Variants in AKAP10 observed in about 807,000 individuals in gnomAD.
AKAP10 encodes A-kinase anchoring protein 10.
Under a neutral mutation model 80.8 loss-of-function variants are expected in AKAP10, and 24 were observed. That is an observed-to-expected ratio of 0.30 (90% CI 0.22 to 0.42). The LOEUF (loss-of-function observed/expected upper bound fraction) is 0.42. AKAP10 is among the 10% of genes least tolerant of loss of function. AKAP10 has a pLI of 1.00. For missense variants in AKAP10, 661 were observed against 794.9 expected (o/e 0.83, Z 2.03); for synonymous variants, 291 against 277.7 (o/e 1.05, Z -0.48).
At chr17:19,946,232 ATATAT>A (rs1416323054) in intron 5 of AKAP10, among the ~76,000 whole-genome samples, 25 of 17,160 alleles carry the variant, frequency 1.5e-3, no homozygotes, top group South Asian at 3.5e-3. Flanking sequence ...TTATATATAT[ATATAT>A]TATATATATA....
intron 1 of AKAP10, among the ~76,000 whole-genome samples, chr17:19,969,511 TAA>T (rs549733602): frequency 8.6e-5 from 13 of 151,652 alleles, no homozygotes; most frequent in South Asian, 8.3e-4. Flanking sequence ...GGATCTGACA[TAA>T]GACTATTTTT....
chr17:19,975,080 G>A (rs960866282), intron 1 of AKAP10, among the ~76,000 whole-genome samples: 2 of 152,082 alleles, frequency 1.3e-5, no homozygotes, highest in Non-Finnish European at 2.9e-5. Context: ...AGGCTGGAGT[G>A]TAGTGACTCA....
At position 19,920,115 on chromosome 17, in the gene AKAP10, C is replaced by T. The variant is rs1292458175; in HGVS notation, c.1755G>A (p.Lys585=). The change falls in exon 12 of 15, where the codon AAG becomes AAA. Residue 585 remains lysine (K), a synonymous_variant. Coordinates refer to ENST00000225737, the MANE Select transcript of AKAP10 (RefSeq NM_007202.4). ...ESLYQRTYAG[K]MTFGRVSDLG... ...AGTCACTGACTCTTCCAAATGTCATCTTCCTAAATAAGAATGAACAGAAGA... is the reference window on the plus strand; with the variant it reads ...AGTCACTGACTCTTCCAAATGTCATTTTCCTAAATAAGAATGAACAGAAGA... 1 of 1,607,844 alleles carries T rather than the reference C, an allele frequency of 6.2e-7. No homozygotes were observed. Among genetic ancestry groups the T allele is most frequent in the Admixed American group, 1.7e-5 (1 of 59,932 alleles).
intron 13 of AKAP10, 144 bp from the exon 14 acceptor site, chr17:19,909,420 T>G: frequency 1.4e-6 from 1 of 693,842 alleles, no homozygotes; most frequent in Non-Finnish European, 2.3e-6. Context: ...CGAAAAAACC[T>G]GGGCCACCCT....
At chr17:19,932,253 C>G (rs2042943415) in intron 9 of AKAP10, among the ~76,000 whole-genome samples, 1 of 151,834 alleles carries the variant, frequency 6.6e-6, no homozygotes, top group South Asian at 2.1e-4. Context: ...GAGTTCAAGA[C>G]CAGCCTGGCC....
At chr17:19,910,325 C>CAAAAAAAAAAAAAAAAAAAA (rs3031068) in intron 12 of AKAP10, among the ~76,000 whole-genome samples, 1 of 90,658 alleles carries the variant, frequency 1.1e-5, no homozygotes, top group African/African-American at 4.1e-5. Context: ...GACTCCAACT[C>CAAAAAAAAAAAAAAAAAAAA]AAAAAAAAAA....
intron 9 of AKAP10, among the ~76,000 whole-genome samples, chr17:19,932,445 T>C (rs1192086045): frequency 7.2e-6 from 1 of 139,054 alleles, no homozygotes; most frequent in South Asian, 2.3e-4. Context: ...GGAGCAAGAC[T>C]GTCTAAAAAA....
intron 4 of AKAP10, among the ~76,000 whole-genome samples, chr17:19,951,070 C>T (rs1220878143): frequency 3.3e-5 from 5 of 151,856 alleles, no homozygotes; most frequent in Non-Finnish European, 7.4e-5. Context: ...CCCCTCCGCC[C>T]GGCAGCCGCC....
intron 1 of AKAP10, among the ~76,000 whole-genome samples, chr17:19,975,499 A>G (rs1219481482): frequency 6.6e-6 from 1 of 152,100 alleles, no homozygotes; most frequent in Non-Finnish European, 1.5e-5. Flanking sequence ...CCTCCTACTG[A>G]TCCTTCAGCT....
intron 4 of AKAP10, among the ~76,000 whole-genome samples, chr17:19,951,164 G>A (rs568138625): frequency 0.013 from 1,060 of 81,540 alleles, 14 homozygotes; most frequent in African/African-American, 0.043. Flanking sequence ...CCGGCCAGCC[G>A]CCCCATCTGG....
chr17:19,928,091 G>T (rs1221278340), intron 10 of AKAP10, among the ~76,000 whole-genome samples: 1 of 151,764 alleles, frequency 6.6e-6, no homozygotes, highest in Non-Finnish European at 1.5e-5. Flanking sequence ...ATGCTGGCAG[G>T]TGCCTGAAAT....
intron 12 of AKAP10, among the ~76,000 whole-genome samples, chr17:19,919,199 A>G (rs111328264): frequency 0.095 from 14,404 of 151,740 alleles, 781 homozygotes; most frequent in Non-Finnish European, 0.12. Flanking sequence ...TCCTTGAGAC[A>G]GTTTGCTCAG....
chr17:19,941,086 A>G (rs1156420823), intron 6 of AKAP10, 76 bp from the exon 7 acceptor site: 8 of 1,471,992 alleles, frequency 5.4e-6, no homozygotes, highest in Admixed American at 4.5e-5. Flanking sequence ...TACTCTTTCC[A>G]TACTGTCCCT....
At chr17:19,921,140 T>C (rs1282904770) in intron 11 of AKAP10, among the ~76,000 whole-genome samples, 2 of 150,986 alleles carry the variant, frequency 1.3e-5, no homozygotes, top group Non-Finnish European at 2.9e-5. Flanking sequence ...TAGCAAACAC[T>C]TAAGACTGGA....
rs71157846 is a variant in AKAP10, at chr17:19,946,275, A to ATTTTT, written c.976+1127_976+1131dup. 4.0e-3 allele frequency among the ~76,000 whole-genome samples: 52 copies of ATTTTT among 12,944 alleles called. 11 individuals are homozygous for ATTTTT. Among genetic ancestry groups the ATTTTT allele is most frequent in the Non-Finnish European group, 6.0e-3 (44 of 7,310 alleles). 8.5% of individuals were successfully genotyped at this position (12,944 alleles called of 152,430 possible). ...TATATATATATATATATATATATAT[A>ATTTTT]TTTTTTTTTTTTTTTTTTTTTTTTG... On this transcript the variant is annotated intron_variant, in intron 5 of 14. Coordinates refer to ENST00000225737, the MANE Select transcript of AKAP10 (RefSeq NM_007202.4).
At chr17:19,969,255 G>T (rs1283159433) in intron 1 of AKAP10, among the ~76,000 whole-genome samples, 1 of 152,152 alleles carries the variant, frequency 6.6e-6, no homozygotes, top group East Asian at 1.9e-4. Flanking sequence ...CTGAGGCAGA[G>T]AATTGCTTGA....
At chr17:19,931,039 T>A (rs1482547373) in intron 10 of AKAP10, among the ~76,000 whole-genome samples, 1 of 152,044 alleles carries the variant, frequency 6.6e-6, no homozygotes, top group African/African-American at 2.4e-5. Flanking sequence ...CCAGGCGTGG[T>A]GGTGCATGCC....
intron 10 of AKAP10, among the ~76,000 whole-genome samples, chr17:19,926,959 A>G (rs2042881261): frequency 6.6e-6 from 1 of 152,130 alleles, no homozygotes; most frequent in Non-Finnish European, 1.5e-5. Context: ...TGTCTCTACT[A>G]AAAATGCAAA....
intron 12 of AKAP10, among the ~76,000 whole-genome samples, chr17:19,914,492 A>G (rs1366026118): frequency 2.0e-5 from 3 of 151,964 alleles, no homozygotes; most frequent in Admixed American, 6.6e-5. Context: ...AAGTAAAATA[A>G]TAAGCCAAGT....
Sources: gnomAD v4.1 joint callset for allele counts (sites outside exome capture counted in the v4.1 genomes callset) on GRCh38, gnomAD v4.1.1 for gene constraint, MANE v1.5 for transcripts, NCBI Gene and HGNC (gene_info 2026-07-23, HGNC 2026-07-21) for gene names.